NALCN: variants seen among roughly 807,000 people sequenced by gnomAD.
NALCN encodes sodium leak channel, non-selective.
In NALCN, 111 loss-of-function variants were observed where a neutral mutation model predicts 225.3. That is an observed-to-expected ratio of 0.49 (90% CI 0.42 to 0.58). The LOEUF is 0.58. Ranked by LOEUF, NALCN falls within the 20% of genes least tolerant of loss-of-function variation. The probability of loss-of-function intolerance (pLI) is 0.00; values close to 1 mark genes in which losing one functional copy is unlikely to be tolerated. For synonymous variants in NALCN, 764 were observed against 769.0 expected, an observed-to-expected ratio of 0.99 and a Z score of 0.11; for missense variants, 1,378 against 2,202.4, an observed-to-expected ratio of 0.63 and a Z score of 7.49.
intron 13 of NALCN, among the ~76,000 whole-genome samples, chr13:101,211,572 C>A (rs2040524061): frequency 6.6e-6 from 1 of 151,254 alleles, no homozygotes; most frequent in African/African-American, 2.4e-5. Context: ...GAAAAAAAAA[C>A]CCTAATGTTA....
intron 34 of NALCN, among the ~76,000 whole-genome samples, chr13:101,076,537 C>G (rs1229354981): frequency 1.3e-5 from 2 of 152,198 alleles, no homozygotes; most frequent in Non-Finnish European, 2.9e-5. Flanking sequence ...GCAATAACAA[C>G]CTTGACATTC....
intron 15 of NALCN, among the ~76,000 whole-genome samples, chr13:101,160,874 T>C (rs904658810): frequency 6.6e-6 from 1 of 152,178 alleles, no homozygotes; most frequent in Non-Finnish European, 1.5e-5. Flanking sequence ...CTGTTCTTAT[T>C]GATCAAGTTT....
intron 1 of NALCN, among the ~76,000 whole-genome samples, chr13:101,406,551 TA>T (rs1383962372): frequency 6.6e-6 from 1 of 152,242 alleles, no homozygotes; most frequent in African/African-American, 2.4e-5. Flanking sequence ...TGGCATCAAT[TA>T]TTTTTTGTGC....
chr13:101,102,538 C>T (rs925802255), intron 26 of NALCN, among the ~76,000 whole-genome samples: 1 of 152,154 alleles, frequency 6.6e-6, no homozygotes, highest in Non-Finnish European at 1.5e-5. Flanking sequence ...AGATTGTGAA[C>T]AATGAGCCTC....
intron 28 of NALCN, among the ~76,000 whole-genome samples, chr13:101,092,000 G>A (rs1174556008): frequency 2.6e-5 from 4 of 152,034 alleles, no homozygotes; most frequent in Non-Finnish European, 4.4e-5. Flanking sequence ...CTTTCTTCAT[G>A]CTAGCAAAGT....
intron 22 of NALCN, among the ~76,000 whole-genome samples, 199 bp from the exon 23 acceptor site, chr13:101,105,149 G>A (rs1462453191): frequency 6.6e-6 from 1 of 152,178 alleles, no homozygotes; most frequent in Non-Finnish European, 1.5e-5. Flanking sequence ...AGAATTTGCA[G>A]TTGATGCTTA....
chr13:101,225,408 T>C (rs1315158478), intron 13 of NALCN, among the ~76,000 whole-genome samples: 1 of 152,160 alleles, frequency 6.6e-6, no homozygotes, highest in Non-Finnish European at 1.5e-5. Flanking sequence ...TCCAGTATGT[T>C]AGAAAAAGGA....
intron 15 of NALCN, among the ~76,000 whole-genome samples, 185 bp downstream of exon 15, chr13:101,176,115 G>A (rs956980974): frequency 2.0e-5 from 3 of 152,104 alleles, no homozygotes; most frequent in African/African-American, 7.2e-5. Flanking sequence ...TATTTATAGA[G>A]TAATAGAAAG....
chr13:101,062,267 T>A, intron 40 of NALCN, 149 bp from the exon 41 acceptor site: 2 of 757,466 alleles, frequency 2.6e-6, no homozygotes, highest in Non-Finnish European at 4.2e-6. Context: ...CTTGGGCTGG[T>A]CCTGTCACCT....
chr13:101,346,087 C>CTCTCTCTCTCTGTCTATATATA, intron 6 of NALCN, among the ~76,000 whole-genome samples: 1 of 70,938 alleles, frequency 1.4e-5, no homozygotes, highest in Non-Finnish European at 2.7e-5. Flanking sequence ...CTCTCTCTCT[C>CTCTCTCTCTCTGTCTATATATA]TATATATATA....
chr13:101,059,874 T>A lies in NALCN; in HGVS notation c.4849A>T (p.Thr1617Ser), dbSNP rs2031704412. Residue 1617 changes from threonine to serine, a missense_variant, in exon 42 of 44, where the codon ACC becomes TCC. This residue lies in a region of NALCN where 145 missense variants were observed against 169.6 expected (regional missense o/e 0.85). Transcript: ENST00000251127. ...GCATTCGTGTCCTCACTGGGCTGGG[T>A]GGTCTCGATGCTGGGCGGGTTCAGA... is the stretch of plus-strand genomic sequence containing the variant. The part of the protein sequence containing the change: ...RFLNPPSIET[T>S]QPSEDTNANS... 1.2e-6 allele frequency: 2 copies of A among 1,614,048 alleles called. No homozygotes were observed.
At chr13:101,407,508 A>T (rs2047657553) in intron 1 of NALCN, among the ~76,000 whole-genome samples, 1 of 152,216 alleles carries the variant, frequency 6.6e-6, no homozygotes, top group Admixed American at 6.5e-5. Flanking sequence ...ATAGAATAGA[A>T]GCAAGCTTAG....
intron 11 of NALCN, among the ~76,000 whole-genome samples, chr13:101,255,973 G>A (rs1228814078): frequency 1.3e-5 from 2 of 151,984 alleles, no homozygotes; most frequent in East Asian, 1.9e-4. Context: ...TCAGTCACTC[G>A]CTCATTCCCC....
chr13:101,277,221 T>C (rs1343257483), intron 10 of NALCN, among the ~76,000 whole-genome samples: 1 of 152,138 alleles, frequency 6.6e-6, no homozygotes, highest in Non-Finnish European at 1.5e-5. Context: ...TTACTTATAG[T>C]AACTGGATGA....
chr13:101,303,233 C>A (rs1426710053), intron 7 of NALCN, among the ~76,000 whole-genome samples: 3 of 152,056 alleles, frequency 2.0e-5, no homozygotes, highest in Non-Finnish European at 2.9e-5. Context: ...AGATATAGAT[C>A]AAAAATAGTA....
At chr13:101,406,245 G>A (rs141747077) in intron 1 of NALCN, among the ~76,000 whole-genome samples, 224 of 152,014 alleles carry the variant, frequency 1.5e-3, no homozygotes, top group South Asian at 0.01. Flanking sequence ...AGGCTCACTT[G>A]AGCCTGGGAA....
chr13:101,123,050 G>T (rs889599906), intron 18 of NALCN, among the ~76,000 whole-genome samples: 4 of 152,178 alleles, frequency 2.6e-5, no homozygotes, highest in Non-Finnish European at 5.9e-5. Context: ...TGAGAGAGGG[G>T]TAAATAAGGA....
chr13:101,171,130 A>C (rs2038692109), intron 15 of NALCN, among the ~76,000 whole-genome samples: 2 of 151,920 alleles, frequency 1.3e-5, no homozygotes, highest in South Asian at 4.1e-4. Context: ...AGCTCACCAC[A>C]ATCTCATTTT....
chr13:101,083,899 G>A, intron 30 of NALCN, 95 bp from the exon 31 acceptor site: 1 of 1,145,108 alleles, frequency 8.7e-7, no homozygotes, highest in Non-Finnish European at 1.3e-6. Flanking sequence ...GGACTGATGT[G>A]AGGGCTTGCA....
Sources: allele counts gnomAD v4.1 joint callset (sites outside exome capture counted in the v4.1 genomes callset), GRCh38; gene constraint gnomAD v4.1.1; regional missense constraint gnomAD v4.1.1; transcripts MANE v1.5; gene names NCBI Gene and HGNC (gene_info 2026-07-23, HGNC 2026-07-21).